The following PLK3 variants were observed in gnomAD, a reference collection of about 807,000 sequenced individuals.
PLK3 encodes polo like kinase 3.
PLK3 carries 41 observed loss-of-function variants against 71.6 expected under a neutral mutation model. That is an observed-to-expected ratio of 0.57 (90% confidence interval 0.45 to 0.74). The LOEUF is 0.74. Ranked by LOEUF, PLK3 falls within the 30% of genes least tolerant of loss-of-function variation. The probability of loss-of-function intolerance (pLI) is 0.00; values close to 1 mark genes in which losing one functional copy is unlikely to be tolerated. For synonymous variants in PLK3, 366 were observed against 355.4 expected, an observed-to-expected ratio of 1.03 and a Z score of -0.33; for missense variants, 791 against 875.6, an observed-to-expected ratio of 0.90 and a Z score of 1.22.
At position 44,801,171 on chromosome 1, in the gene PLK3, C is replaced by CT; in HGVS notation, c.435+19_435+20insT. ...CCGAAAGGTGAAAGATGGTGATTCCCGCAGGGATGAGAGTGAGGGAGAGAA... is the reference window on the plus strand; with the variant it reads ...CCGAAAGGTGAAAGATGGTGATTCCCTGCAGGGATGAGAGTGAGGGAGAGAA... On this transcript the variant is annotated intron_variant, in intron 3 of 14. Coordinates refer to ENST00000372201, the MANE Select transcript of PLK3 (RefSeq NM_004073.4). 8.2e-7 allele frequency: 1 copy of CT among 1,213,118 alleles called. No individual in the cohort carries two copies. Among genetic ancestry groups the CT allele is most frequent in the Non-Finnish European group, 1.2e-6 (1 of 814,776 alleles). 75.1% of individuals were successfully genotyped at this position (1,213,118 alleles called of 1,614,324 possible). A position where few individuals can be genotyped will look rare whatever the true frequency, so the allele number is the denominator to read the frequency against.
rs748928279 is a variant in PLK3 at position 44,804,430 on chromosome 1, T to A, written c.1434T>A (p.Tyr478Ter). 1 of 1,614,200 alleles carries A rather than the reference T, an allele frequency of 6.2e-7. No individual in the cohort carries two copies. The highest frequency in any genetic ancestry group is 8.5e-7 in the Non-Finnish European group (1 of 1,180,022). ...ACTCCAATAAGTTCGGCTTTGGGTA[T>A]CAACTGTCCAGCCGCCGTGTGGCTG... is the stretch of plus-strand genomic sequence containing the variant. ...VDYSNKFGFGYQLSSRRVAVL... is the reference protein window; with the variant it reads ...VDYSNKFGFG The change falls in exon 12 of 15, where the codon TAT becomes TAA. Residue 478 changes from tyrosine (Y) to a stop codon, truncating the protein, a stop_gained. Coordinates refer to ENST00000372201, the MANE Select transcript of PLK3 (RefSeq NM_004073.4). LOFTEE classifies it high-confidence loss of function.
Position 44,805,717 on chromosome 1 carries a change from C to T in PLK3, c.*39C>T. ...AGGCCTGAGGCCTGTGCCTGTCAGG[C>T]TCTGGCCCTTGCCTTTGTGGCCTTC... On this transcript the variant is annotated 3_prime_UTR_variant, in exon 15 of 15. Coordinates refer to ENST00000372201, the MANE Select transcript of PLK3 (RefSeq NM_004073.4). 1 of 1,589,390 alleles carries T rather than the reference C, an allele frequency of 6.3e-7. No individual in the cohort carries two copies. Among genetic ancestry groups the T allele is most frequent in the Non-Finnish European group, 8.6e-7 (1 of 1,165,986 alleles).
In PLK3 at chr1:44,802,844, G is replaced by T. The variant is rs1263244573; in HGVS notation, c.738G>T (p.Leu246=). 6 of 1,613,346 alleles carry T rather than the reference G, an allele frequency of 3.7e-6. No homozygotes were observed. The highest frequency in any genetic ancestry group is 5.1e-6 in the Non-Finnish European group (6 of 1,179,290). ...GHGPEADVWS[L]GCVMYTLLCG... ...GCCCTGAGGCGGATGTATGGTCACT[G>T]GGCTGTGTCATGTGAGTTGCAGGGT... Residue 246 remains leucine, a synonymous_variant, in exon 6 of 15, where the codon CTG becomes CTT. Transcript: ENST00000372201.
Position 44,801,062 on chromosome 1 carries a change from A to G in PLK3, c.345A>G (p.Arg115=). The G allele has an allele frequency of 6.2e-7, 1 of 1,613,700 alleles. No individual in the cohort carries two copies. Residue 115 remains arginine (R), a synonymous_variant, in exon 3 of 15, where the codon CGA becomes CGG. Coordinates refer to ENST00000372201, the MANE Select transcript of PLK3 (RefSeq NM_004073.4). The part of the protein sequence containing the change: ...EKILNEIELH[R]DLQHRHIVRF... ...TCCTAAATGAGATTGAGCTGCACCG[A>G]GACCTGCAGCACCGCCACATCGTGC...
Position 44,801,754 on chromosome 1 carries a change from G to A in PLK3, c.565+3G>A, listed in dbSNP as rs760988578. 3 of 1,425,776 alleles carry A rather than the reference G, an allele frequency of 2.1e-6. No individual in the cohort carries two copies. Among genetic ancestry groups the A allele is most frequent in the East Asian group, 3.3e-5 (1 of 30,104 alleles). 88.3% of individuals were successfully genotyped at this position (1,425,776 alleles called of 1,614,324 possible). A position where few individuals can be genotyped will look rare whatever the true frequency, so the allele number is the denominator to read the frequency against. The stretch of plus-strand genomic sequence containing the variant: ...CTTGCACCGGGACCTCAAGTTGGGT[G>A]AGACTCCTGAGCCTGGAGGATGGGA... On this transcript the variant is annotated splice_donor_region_variant and intron_variant, in intron 4 of 14. Coordinates refer to ENST00000372201, the MANE Select transcript of PLK3 (RefSeq NM_004073.4).
Position 44,800,992 on chromosome 1 carries a change from C to T in PLK3, c.319-44C>T, listed in dbSNP as rs1335311992. Reference sequence around the variant, plus strand: ...GCGAGGGGTGGGGTGGGGACGGTGGCATGGGAACCATGGAAGGATGACGAC... The same window carrying T: ...GCGAGGGGTGGGGTGGGGACGGTGGTATGGGAACCATGGAAGGATGACGAC... On this transcript the variant is annotated intron_variant, in intron 2 of 14. Transcript: ENST00000372201. The surrounding 1 kb of genome is among the most constrained non-coding windows in gnomAD (Gnocchi z 6.5). The T allele has an allele frequency of 1.9e-6, 3 of 1,606,154 alleles. No homozygotes were observed. The highest frequency in any genetic ancestry group is 2.6e-6 in the Non-Finnish European group (3 of 1,173,360).
intron 3 of PLK3, 49 bp downstream of exon 3, chr1:44,801,201 G>GTTT: frequency 7.1e-6 from 4 of 563,764 alleles, no homozygotes; most frequent in East Asian, 3.0e-5. Context: ...AGAGAAGACA[G>GTTT]TCTTTTTTTT....
At position 44,801,679 on chromosome 1, in the gene PLK3, T is replaced by C; in HGVS notation, c.493T>C (p.Tyr165His). 4 of 1,613,374 alleles carry C rather than the reference T, an allele frequency of 2.5e-6. No homozygotes were observed. The highest frequency in any genetic ancestry group is 3.4e-6 in the Non-Finnish European group (4 of 1,179,898). ...HTLLEPEVRY[Y>H]LRQILSGLKY... ...CCTGTTGGAGCCAGAAGTGCGCTAC[T>C]ACCTGCGGCAGATCCTTTCTGGCCT... Residue 165 changes from tyrosine (Y) to histidine (H), a missense_variant, in exon 4 of 15, where the codon TAC becomes CAC. By Grantham distance (83) the Tyr-to-His change is moderately conservative (BLOSUM62 2). Coordinates refer to ENST00000372201, the MANE Select transcript of PLK3 (RefSeq NM_004073.4).
Position 44,804,240 on chromosome 1 carries a change from C to T in PLK3, c.1336C>T (p.Pro446Ser). 7 of 1,613,076 alleles carry T rather than the reference C, an allele frequency of 4.3e-6. No homozygotes were observed. The highest frequency in any genetic ancestry group is 5.9e-6 in the Non-Finnish European group (7 of 1,179,048). The change falls in exon 11 of 15, where the codon CCC becomes TCC. Residue 446 changes from proline (P) to serine (S), a missense_variant. Pro to Ser is a moderately conservative substitution (Grantham distance 74). Transcript: ENST00000372201. ...CALRNCIAFM[P>S]PAEQNPAPLA... Reference sequence around the variant, plus strand: ...TCTGAGAAATTGTATAGCCTTCATGCCCCCAGGTAAGGGTGGGGTCTGGTA... The same window carrying T: ...TCTGAGAAATTGTATAGCCTTCATGTCCCCAGGTAAGGGTGGGGTCTGGTA...
chr1:44,805,896 T>C lies in PLK3; in HGVS notation c.*218T>C, dbSNP rs1338750651. 2.8e-6 allele frequency: 4 copies of C among 1,451,348 alleles called. No homozygotes were observed. The highest frequency in any genetic ancestry group is 3.6e-6 in the Non-Finnish European group (4 of 1,096,184). 89.9% of individuals were successfully genotyped at this position (1,451,348 alleles called of 1,614,324 possible). ...CTTAGCTCCCAGCTAGGGGGCGTTA[T>C]TTATGGACCACTTTTATTTATTGTC... On this transcript the variant is annotated 3_prime_UTR_variant, in exon 15 of 15. Coordinates refer to ENST00000372201, the MANE Select transcript of PLK3 (RefSeq NM_004073.4).
intron 5 of PLK3, 49 bp from the exon 6 acceptor site, chr1:44,802,711 C>A: frequency 1.5e-6 from 2 of 1,306,406 alleles, no homozygotes; most frequent in Non-Finnish European, 2.2e-6. Flanking sequence ...AGTCGGGGGG[C>A]TGCTGGGCTG....
At chr1:44,804,583 G>T (rs1651946658) in intron 12 of PLK3, 67 bp from the exon 13 acceptor site, 7 of 1,604,242 alleles carry the variant, frequency 4.4e-6, no homozygotes, top group Admixed American at 1.7e-5. Context: ...TGGGCTCAGG[G>T]GTCTGGGTTT....
At chr1:44,804,140 T>A (rs756879814) in intron 10 of PLK3, 23 bp from the exon 11 acceptor site, 1 of 1,606,652 alleles carries the variant, frequency 6.2e-7, no homozygotes, top group South Asian at 1.1e-5. Context: ...AATTCCTAAA[T>A]CTCAGTGCCC....
chr1:44,804,817 C>T, intron 13 of PLK3, 38 bp downstream of exon 13: 1 of 1,605,282 alleles, frequency 6.2e-7, no homozygotes, highest in Non-Finnish European at 8.5e-7. Flanking sequence ...GAAACCTAAC[C>T]CATCCTGGCC....
chr1:44,801,115 A>C lies in PLK3; in HGVS notation c.398A>C (p.Asp133Ala). The C allele has an allele frequency of 6.2e-7, 1 of 1,613,306 alleles. No individual in the cohort carries two copies. The highest frequency in any genetic ancestry group is 8.5e-7 in the Non-Finnish European group (1 of 1,179,710). Reference protein sequence around the residue: ...VRFSHHFEDADNIYIFLELCS... With the variant: ...VRFSHHFEDAANIYIFLELCS... ...TTTTCGCACCACTTTGAGGACGCTG[A>C]CAACATCTACATTTTCTTGGAGCTC... Residue 133 changes from aspartate (D) to alanine (A), a missense_variant, in exon 3 of 15, where the codon GAC becomes GCC. Transcript: ENST00000372201.
intron 13 of PLK3, 97 bp downstream of exon 13, chr1:44,804,876 C>A (rs1396607809): frequency 2.5e-6 from 3 of 1,212,364 alleles, no homozygotes; most frequent in East Asian, 2.4e-5. Context: ...GAGGCCGAGG[C>A]GGGTGGATTA....
Position 44,800,820 on chromosome 1 carries a change from C to A in PLK3, c.211-20C>A. 6.2e-7 allele frequency: 1 copy of A among 1,601,294 alleles called. No homozygotes were observed. The highest frequency in any genetic ancestry group is 1.7e-5 in the Admixed American group (1 of 58,902). On this transcript the variant is annotated intron_variant, in intron 1 of 14. Coordinates refer to ENST00000372201, the MANE Select transcript of PLK3 (RefSeq NM_004073.4). The surrounding 1 kb of genome is among the most constrained non-coding windows in gnomAD (Gnocchi z 6.5). Reference sequence around the variant, plus strand: ...ACTCGGCCCCCCTGGAACAACCAGCCTGATGCCCCCTCTTCACAGGGGGGC... The same window carrying A: ...ACTCGGCCCCCCTGGAACAACCAGCATGATGCCCCCTCTTCACAGGGGGGC...
In PLK3 at chr1:44,804,358, C is replaced by G. The variant is rs764451924; in HGVS notation, c.1362C>G (p.Pro454=). 6.2e-6 allele frequency: 10 copies of G among 1,614,040 alleles called. No homozygotes were observed. Among genetic ancestry groups the G allele is most frequent in the East Asian group, 2.2e-5 (1 of 44,860 alleles). The stretch of plus-strand genomic sequence containing the variant: ...TGACAGCGGAACAGAACCCGGCCCC[C>G]CTGGCCCAGCCAGAGCCTCTGGTGT... ...FMPPAEQNPA[P]LAQPEPLVWV... The change falls in exon 12 of 15, where the codon CCC becomes CCG. Residue 454 remains proline (P), a synonymous_variant. Transcript: ENST00000372201.
At position 44,800,673 on chromosome 1, in the gene PLK3, G is replaced by A. The variant is rs973616485; in HGVS notation, c.210G>A (p.Lys70=). 6.4e-7 allele frequency: 1 copy of A among 1,552,792 alleles called. No homozygotes were observed. ...RTYLKGRLLG[K]GGFARCYEAT... ...ACCTCAAAGGCCGCTTGTTGGGCAA[G>A]GTGGGCCGAGGGACGTCCGCGGGGT... is the stretch of plus-strand genomic sequence containing the variant. Residue 70 remains lysine, a splice_region_variant and synonymous_variant, in exon 1 of 15, where the codon AAG becomes AAA. Coordinates refer to ENST00000372201, the MANE Select transcript of PLK3 (RefSeq NM_004073.4). This position sits in a 1 kb window ranked among gnomAD's most constrained non-coding sequence, Gnocchi z 6.5.
Sources: gnomAD v4.1 joint callset for allele counts on GRCh38, gnomAD v4.1.1 for gene constraint, Gnocchi (gnomAD v3.1) non-coding constraint, MANE v1.5 for transcripts, NCBI Gene and HGNC (gene_info 2026-07-23, HGNC 2026-07-21) for gene names.